The following SLC9A9 variants were observed in gnomAD, a reference collection of about 807,000 sequenced individuals.
SLC9A9 encodes the protein solute carrier family 9 member A9.
SLC9A9 carries 62 observed loss-of-function variants against 77.8 expected under a neutral mutation model. That is an observed-to-expected ratio of 0.80 (90% CI 0.65 to 0.98). The LOEUF (loss-of-function observed/expected upper bound fraction) is 0.98. SLC9A9 is among the 50% of genes least tolerant of loss of function. The pLI is 0.00. For missense variants in SLC9A9, 775 were observed against 774.9 expected (o/e 1.00, Z 0.00); for synonymous variants, 320 against 283.5 (o/e 1.13, Z -1.29).
intron 6 of SLC9A9, among the ~76,000 whole-genome samples, chr3:143,587,093 C>T (rs1398428939): frequency 2.0e-5 from 3 of 152,168 alleles, no homozygotes; most frequent in Admixed American, 6.5e-5. Context: ...GAGAAAAATA[C>T]AAGAGGAATT....
chr3:143,327,804 C>A (rs1236483192), intron 14 of SLC9A9, among the ~76,000 whole-genome samples: 1 of 152,152 alleles, frequency 6.6e-6, no homozygotes, highest in East Asian at 1.9e-4. Flanking sequence ...GTACTAGGTG[C>A]AGATTTTCCA....
intron 4 of SLC9A9, among the ~76,000 whole-genome samples, chr3:143,737,270 T>C (rs1021890180): frequency 2.0e-5 from 3 of 152,212 alleles, no homozygotes; most frequent in African/African-American, 7.2e-5. Context: ...AATTGTTCTA[T>C]TACTCATTAT....
intron 5 of SLC9A9, among the ~76,000 whole-genome samples, chr3:143,658,209 A>T (rs1056114966): frequency 6.6e-6 from 1 of 151,716 alleles, no homozygotes; most frequent in South Asian, 2.1e-4. Flanking sequence ...ATAAGCAAAA[A>T]CTCTTTGGAG....
intron 9 of SLC9A9, among the ~76,000 whole-genome samples, chr3:143,535,896 A>G (rs1488892577): frequency 6.6e-6 from 1 of 152,200 alleles, no homozygotes. Context: ...CTCCTAATTC[A>G]CACATGGTAG....
chr3:143,820,411 A>T (rs1484071203), intron 2 of SLC9A9, among the ~76,000 whole-genome samples: 1 of 152,224 alleles, frequency 6.6e-6, no homozygotes, highest in Non-Finnish European at 1.5e-5. Context: ...TTCTTGATGC[A>T]CAAACTCACC....
At position 143,832,145 on chromosome 3, in the gene SLC9A9, TAC is replaced by T; in HGVS notation, c.250_251del (p.Val84LysfsTer12). 6.2e-7 allele frequency: 1 copy of T among 1,613,328 alleles called. No individual in the cohort carries two copies. ...DIESGTVYDCVKLTFSPSTLL... is the reference protein window; with the variant it reads ...DIESGTVYDCXKLTFSPSTLL... ...GAGTTGATGGACTGAAAGTTAGTTT[TAC>T]ACAGTCATAGACAGTTCCACTTTCA... On this transcript the variant is annotated frameshift_variant, in exon 2 of 16. Transcript: ENST00000316549. LOFTEE classifies it high-confidence loss of function.
chr3:143,697,278 A>C (rs1460182965), intron 4 of SLC9A9, among the ~76,000 whole-genome samples: 1 of 152,154 alleles, frequency 6.6e-6, no homozygotes, highest in East Asian at 1.9e-4. Flanking sequence ...TTAGGCATAC[A>C]TATAAACAGA....
chr3:143,371,277 C>A (rs1202859084), intron 13 of SLC9A9, among the ~76,000 whole-genome samples: 1 of 151,984 alleles, frequency 6.6e-6, no homozygotes, highest in Non-Finnish European at 1.5e-5. Context: ...CTATTGAGAC[C>A]TCAGAAAAAA....
chr3:143,651,808 T>C (rs1181262696), intron 6 of SLC9A9, among the ~76,000 whole-genome samples: 2 of 152,242 alleles, frequency 1.3e-5, no homozygotes, highest in African/African-American at 4.8e-5. Flanking sequence ...TATACAGCAT[T>C]ACCTTTGCAT....
At chr3:143,281,423 G>T (rs1201854273) in intron 14 of SLC9A9, among the ~76,000 whole-genome samples, 1 of 152,070 alleles carries the variant, frequency 6.6e-6, no homozygotes, top group Non-Finnish European at 1.5e-5. Flanking sequence ...GACCCATTAT[G>T]GGTAGTCACA....
intron 9 of SLC9A9, among the ~76,000 whole-genome samples, chr3:143,533,551 C>T (rs2036547235): frequency 6.6e-6 from 1 of 152,178 alleles, no homozygotes; most frequent in Non-Finnish European, 1.5e-5. Context: ...TAGTCAGACA[C>T]ATGAGCATAC....
intron 9 of SLC9A9, among the ~76,000 whole-genome samples, chr3:143,540,572 C>T (rs769144341): frequency 6.6e-6 from 1 of 151,958 alleles, no homozygotes; most frequent in Non-Finnish European, 1.5e-5. Context: ...CAATAGAATG[C>T]ATAAATAAAT....
intron 4 of SLC9A9, among the ~76,000 whole-genome samples, chr3:143,753,965 A>T (rs972762593): frequency 4.0e-5 from 6 of 151,862 alleles, no homozygotes; most frequent in Non-Finnish European, 8.8e-5. Context: ...AATATGTGCA[A>T]TTTTTCCCTA....
At chr3:143,813,004 G>A (rs190672060) in intron 2 of SLC9A9, among the ~76,000 whole-genome samples, 156 of 152,206 alleles carry the variant, frequency 1.0e-3, no homozygotes, top group Non-Finnish European at 1.8e-3. Context: ...GTAACTATTG[G>A]TTGCTTTGGG....
At chr3:143,713,122 T>C (rs956992146) in intron 4 of SLC9A9, among the ~76,000 whole-genome samples, 1 of 151,732 alleles carries the variant, frequency 6.6e-6, no homozygotes, top group Non-Finnish European at 1.5e-5. Context: ...CAACACAAAA[T>C]CCCCAAGACT....
At chr3:143,425,663 AC>A (rs2034390578) in intron 12 of SLC9A9, among the ~76,000 whole-genome samples, 1 of 152,148 alleles carries the variant, frequency 6.6e-6, no homozygotes, top group African/African-American at 2.4e-5. Context: ...TTTGATGCAC[AC>A]TTTTCTGGTC....
chr3:143,297,137 G>A (rs946633527), intron 14 of SLC9A9, among the ~76,000 whole-genome samples: 1 of 152,086 alleles, frequency 6.6e-6, no homozygotes, highest in Non-Finnish European at 1.5e-5. Context: ...TTTTTTCCTA[G>A]GAGTTTTACA....
intron 6 of SLC9A9, 60 bp from the exon 7 acceptor site, chr3:143,578,783 T>G: frequency 1.9e-6 from 3 of 1,601,816 alleles, no homozygotes; most frequent in Non-Finnish European, 2.6e-6. Context: ...CCAGATAGGA[T>G]TTCGCACCCA....
chr3:143,753,228 C>A (rs1408915766), intron 4 of SLC9A9, among the ~76,000 whole-genome samples: 1 of 152,090 alleles, frequency 6.6e-6, no homozygotes, highest in Non-Finnish European at 1.5e-5. Context: ...CTTTGGACAG[C>A]TTTTCTGCCT....
Sources: gnomAD v4.1 joint callset for allele counts (sites outside exome capture counted in the v4.1 genomes callset) on GRCh38, gnomAD v4.1.1 for gene constraint, MANE v1.5 for transcripts, NCBI Gene and HGNC (gene_info 2026-07-23, HGNC 2026-07-21) for gene names.